Variants in MYO3B observed in about 807,000 individuals in gnomAD.
MYO3B encodes myosin IIIB.
In MYO3B, 156 loss-of-function variants were observed where a neutral mutation model predicts 174.6. That is an observed-to-expected ratio of 0.89 (90% CI 0.78 to 1.02). MYO3B has a LOEUF of 1.02. MYO3B is among the 50% of genes least tolerant of loss of function. The pLI is 0.00. For synonymous variants in MYO3B, 563 were observed against 569.1 expected (o/e 0.99, Z 0.15); for missense variants, 1,632 against 1,639.4 (o/e 1.00, Z 0.08).
intron 7 of MYO3B, among the ~76,000 whole-genome samples, chr2:170,310,404 T>C (rs1246000261): frequency 6.6e-6 from 1 of 152,164 alleles, no homozygotes; most frequent in African/African-American, 2.4e-5. Flanking sequence ...GGCTCATGCC[T>C]GTGATCCCAG....
intron 25 of MYO3B, among the ~76,000 whole-genome samples, chr2:170,483,576 C>T (rs898428865): frequency 1.6e-5 from 2 of 125,556 alleles, no homozygotes; most frequent in Non-Finnish European, 3.0e-5. Context: ...TTAGTAGAGA[C>T]GGGGTTTCAC....
chr2:170,211,017 T>C (rs2092764274), intron 3 of MYO3B, among the ~76,000 whole-genome samples: 1 of 152,160 alleles, frequency 6.6e-6, no homozygotes, highest in Non-Finnish European at 1.5e-5. Flanking sequence ...TAGGAAAACA[T>C]GCAGCTTTTA....
chr2:170,367,922 G>A (rs555691703), intron 8 of MYO3B, among the ~76,000 whole-genome samples: 1 of 152,158 alleles, frequency 6.6e-6, no homozygotes, highest in Non-Finnish European at 1.5e-5. Flanking sequence ...TTTAGGTTCC[G>A]TTGGCTTTTC....
At chr2:170,527,490 G>C (rs1296516745) in intron 30 of MYO3B, among the ~76,000 whole-genome samples, 1 of 152,182 alleles carries the variant, frequency 6.6e-6, no homozygotes, top group African/African-American at 2.4e-5. Flanking sequence ...AAAAACCTGA[G>C]TATCTGGCAG....
At chr2:170,641,844 A>C in intron 32 of MYO3B, among the ~76,000 whole-genome samples, 1 of 96,092 alleles carries the variant, frequency 1.0e-5, no homozygotes, top group Non-Finnish European at 1.9e-5. Flanking sequence ...AATATTTATG[A>C]CTTTATTGTT....
At chr2:170,522,761 C>T (rs2106149796) in intron 30 of MYO3B, among the ~76,000 whole-genome samples, 1 of 152,300 alleles carries the variant, frequency 6.6e-6, no homozygotes. Flanking sequence ...CCATTCCTTT[C>T]TGTTCAGCTC....
At chr2:170,431,750 C>G (rs147164924) in intron 22 of MYO3B, among the ~76,000 whole-genome samples, 54 of 152,286 alleles carry the variant, frequency 3.5e-4, no homozygotes, top group African/African-American at 9.4e-4. Flanking sequence ...CTGTGCATAC[C>G]TTTCTTCAAT....
At chr2:170,509,107 C>T (rs937564226) in intron 28 of MYO3B, among the ~76,000 whole-genome samples, 3 of 152,098 alleles carry the variant, frequency 2.0e-5, no homozygotes, top group African/African-American at 4.8e-5. Context: ...ATATAATCCC[C>T]GCACTTTGGG....
At chr2:170,264,633 G>A (rs1559345027) in intron 7 of MYO3B, among the ~76,000 whole-genome samples, 1 of 152,176 alleles carries the variant, frequency 6.6e-6, no homozygotes, top group South Asian at 2.1e-4. Flanking sequence ...CATAATATCA[G>A]TGTTATTGGG....
intron 32 of MYO3B, among the ~76,000 whole-genome samples, chr2:170,621,499 GT>G (rs1463017624): frequency 2.2e-5 from 3 of 136,928 alleles, no homozygotes; most frequent in Non-Finnish European, 4.7e-5. Context: ...AACTGGAAAT[GT>G]TTTTTTGTTT....
intron 30 of MYO3B, among the ~76,000 whole-genome samples, chr2:170,526,758 A>C (rs1348887878): frequency 6.6e-6 from 1 of 152,236 alleles, no homozygotes; most frequent in Non-Finnish European, 1.5e-5. Context: ...AGAAGCTTCA[A>C]GGAGAAATCT....
At chr2:170,276,636 C>T (rs1169089661) in intron 7 of MYO3B, among the ~76,000 whole-genome samples, 28 of 152,062 alleles carry the variant, frequency 1.8e-4, no homozygotes, top group Admixed American at 6.6e-5. Flanking sequence ...AAAGTGATGA[C>T]CATCAAAAAG....
intron 32 of MYO3B, among the ~76,000 whole-genome samples, chr2:170,606,544 C>T (rs1490856798): frequency 6.6e-6 from 1 of 152,186 alleles, no homozygotes; most frequent in Non-Finnish European, 1.5e-5. Context: ...TATAGTTGAA[C>T]TCCATCACTA....
At chr2:170,323,578 T>C (rs1356338431) in intron 7 of MYO3B, among the ~76,000 whole-genome samples, 1 of 152,214 alleles carries the variant, frequency 6.6e-6, no homozygotes, top group African/African-American at 2.4e-5. Flanking sequence ...TTGTGGACTT[T>C]GGAATTGGGC....
chr2:170,573,855 A>G (rs540304991), intron 32 of MYO3B, among the ~76,000 whole-genome samples: 37 of 152,294 alleles, frequency 2.4e-4, no homozygotes, highest in African/African-American at 7.7e-4. Context: ...CTCCCTAGTC[A>G]TTCTCAAGTT....
At chr2:170,278,121 C>CACA (rs1252903959) in intron 7 of MYO3B, among the ~76,000 whole-genome samples, 1 of 152,110 alleles carries the variant, frequency 6.6e-6, no homozygotes, top group African/African-American at 2.4e-5. Context: ...GCTTCCAGTG[C>CACA]ACAAAGCATT....
intron 7 of MYO3B, among the ~76,000 whole-genome samples, chr2:170,325,221 T>C (rs2093856778): frequency 6.6e-6 from 1 of 152,168 alleles, no homozygotes; most frequent in Non-Finnish European, 1.5e-5. Context: ...GTTTGGTTTT[T>C]TTTTGAGATG....
chr2:170,596,109 G>A (rs1694130331), intron 32 of MYO3B, among the ~76,000 whole-genome samples: 1 of 152,178 alleles, frequency 6.6e-6, no homozygotes, highest in Admixed American at 6.5e-5. Context: ...ATTAATTATA[G>A]GAATGGTTGC....
At chr2:170,572,326 G>A (rs1204488997) in intron 32 of MYO3B, among the ~76,000 whole-genome samples, 3 of 151,948 alleles carry the variant, frequency 2.0e-5, no homozygotes, top group Admixed American at 6.6e-5. Context: ...TACTCAGGAG[G>A]CTGAGGCAGG....
Sources: gnomAD v4.1 joint callset for allele counts (sites outside exome capture counted in the v4.1 genomes callset) on GRCh38, gnomAD v4.1.1 for gene constraint, MANE v1.5 for transcripts, NCBI Gene and HGNC (gene_info 2026-07-23, HGNC 2026-07-21) for gene names.